The following LRP12 variants were observed in gnomAD, a reference collection of about 807,000 sequenced individuals.
LRP12 encodes LDL receptor related protein 12.
Under a neutral mutation model 66.0 loss-of-function variants are expected in LRP12, and 14 were observed. The observed-to-expected ratio is 0.21, with a 90% confidence interval of 0.14 to 0.33. LRP12 has a LOEUF of 0.33. LRP12 is among the 10% of genes least tolerant of loss of function. The pLI, the probability that LRP12 is intolerant of heterozygous loss-of-function variation, is 1.00. For missense variants in LRP12, 889 were observed against 1,053.4 expected (o/e 0.84, Z 2.16); for synonymous variants, 357 against 359.1 (o/e 0.99, Z 0.07).
chr8:104,490,508 TAG>T lies in LRP12; in HGVS notation c.*163_*164del, dbSNP rs758919805. ...GCTAAAATAGTAAACTCTAAGTTCA[TAG>T]AGTTACAAGTTGTCGAATTTAACCA... On this transcript the variant is annotated 3_prime_UTR_variant, in exon 7 of 7. Transcript: ENST00000276654. 60 of 688,128 alleles carry T rather than the reference TAG, an allele frequency of 8.7e-5. No individual in the cohort carries two copies. The highest frequency in any genetic ancestry group is 1.4e-4 in the Non-Finnish European group (58 of 423,998). 42.6% of individuals were successfully genotyped at this position (688,128 alleles called of 1,614,324 possible). A position where few individuals can be genotyped will look rare whatever the true frequency, so the allele number is the denominator to read the frequency against.
At chr8:104,537,788 C>T (rs1811411235) in intron 1 of LRP12, among the ~76,000 whole-genome samples, 1 of 152,094 alleles carries the variant, frequency 6.6e-6, no homozygotes, top group East Asian at 1.9e-4. Flanking sequence ...AAAAGAATTC[C>T]AAAAACATAG....
At chr8:104,562,026 GA>G (rs1208136511) in intron 1 of LRP12, among the ~76,000 whole-genome samples, 1 of 152,142 alleles carries the variant, frequency 6.6e-6, no homozygotes, top group Non-Finnish European at 1.5e-5. Flanking sequence ...GAGGTCTTAA[GA>G]GGGTATATAA....
intron 1 of LRP12, among the ~76,000 whole-genome samples, chr8:104,578,975 T>C (rs186481431): frequency 2.6e-5 from 4 of 152,122 alleles, no homozygotes; most frequent in Admixed American, 2.6e-4. Context: ...ACCAACATCA[T>C]AATGAATGGG....
rs1167656775 is a variant in LRP12, at chr8:104,566,125, G to T, written c.79+22694C>A. The T allele has an allele frequency of 2.7e-5, 10 of 363,968 alleles. 1 individual carries two copies. In the East Asian group the frequency reaches 5.5e-4, roughly 20 times the overall value. 22.5% of individuals were successfully genotyped at this position (363,968 alleles called of 1,614,324 possible). The stretch of plus-strand genomic sequence containing the variant: ...GAAGACCACTGGCCTTGTGGGATTG[G>T]CTATATGCAAGAGTCCATAAGAGAG... On this transcript the variant is annotated intron_variant, in intron 1 of 6. Coordinates refer to ENST00000276654, the MANE Select transcript of LRP12 (RefSeq NM_013437.5).
chr8:104,561,748 TTCTCTCA>T (rs769905226), intron 1 of LRP12, among the ~76,000 whole-genome samples: 69 of 152,300 alleles, frequency 4.5e-4, no homozygotes, highest in Non-Finnish European at 7.2e-4. Context: ...CATGTTCAAG[TTCTCTCA>T]TCTTTTGGTC....
chr8:104,496,571 C>T (rs1810730627), intron 5 of LRP12, among the ~76,000 whole-genome samples: 1 of 152,116 alleles, frequency 6.6e-6, no homozygotes, highest in African/African-American at 2.4e-5. Context: ...TAACTGTAAA[C>T]TGCTTGTGAT....
intron 1 of LRP12, 118 bp from the exon 2 acceptor site, chr8:104,532,081 A>C: frequency 1.7e-6 from 1 of 584,988 alleles, no homozygotes. Flanking sequence ...GAGAAGCTAA[A>C]GTTTCTTATA....
chr8:104,496,676 G>A (rs545962593), intron 5 of LRP12, among the ~76,000 whole-genome samples: 1 of 152,160 alleles, frequency 6.6e-6, no homozygotes, highest in East Asian at 1.9e-4. Context: ...AAAAATACAG[G>A]TTAAAACACT....
At chr8:104,514,821 C>CCAG (rs1367436084) in intron 2 of LRP12, among the ~76,000 whole-genome samples, 1 of 152,190 alleles carries the variant, frequency 6.6e-6, no homozygotes, top group Admixed American at 6.5e-5. Flanking sequence ...ACATAGCACA[C>CCAG]TGCTTGTATT....
chr8:104,558,541 C>T (rs551070305), intron 1 of LRP12, among the ~76,000 whole-genome samples: 1 of 152,248 alleles, frequency 6.6e-6, no homozygotes, highest in East Asian at 1.9e-4. Flanking sequence ...CAGACACTGG[C>T]TTAGGCAAAG....
intron 1 of LRP12, among the ~76,000 whole-genome samples, chr8:104,552,325 G>C (rs1811739690): frequency 6.6e-6 from 1 of 151,538 alleles, no homozygotes; most frequent in Non-Finnish European, 1.5e-5. Flanking sequence ...GTTCTTAACA[G>C]CTTATAGCCC....
chr8:104,526,956 G>A (rs1321211357), intron 2 of LRP12, among the ~76,000 whole-genome samples: 1 of 147,732 alleles, frequency 6.8e-6, no homozygotes, highest in South Asian at 2.1e-4. Flanking sequence ...CTAATATCCA[G>A]AATCTACAAT....
intron 1 of LRP12, among the ~76,000 whole-genome samples, chr8:104,588,300 TG>T (rs139466694): frequency 0.043 from 6,529 of 151,538 alleles, 200 homozygotes; most frequent in South Asian, 0.079. Flanking sequence ...CGAGGTGGAG[TG>T]GGGAGAAGTC....
chr8:104,550,216 A>T (rs942444547), intron 1 of LRP12, among the ~76,000 whole-genome samples: 2 of 152,196 alleles, frequency 1.3e-5, no homozygotes, highest in Non-Finnish European at 2.9e-5. Context: ...AAAAAGACTC[A>T]AAGAAGAGAC....
At position 104,499,457 on chromosome 8, in the gene LRP12, G is replaced by A. The variant is rs773009309; in HGVS notation, c.335C>T (p.Thr112Ile). 12 of 1,613,180 alleles carry A rather than the reference G, an allele frequency of 7.4e-6. No homozygotes were observed. The African/African-American group carries it at 1.3e-4, about 18-fold the overall frequency. The change falls in exon 4 of 7, where the codon ACA becomes ATA. Residue 112 changes from threonine (T) to isoleucine (I), a missense_variant. Around this residue, in one of 3 missense-constraint regions of LRP12, gnomAD observed 800 missense variants for 964.5 expected, o/e 0.83. Coordinates refer to ENST00000276654, the MANE Select transcript of LRP12 (RefSeq NM_013437.5). ...RCNLDWLTIETYKNIESYRAC... is the reference protein window; with the variant it reads ...RCNLDWLTIEIYKNIESYRAC... The stretch of plus-strand genomic sequence containing the variant: ...TCTGTAACTTTCAATATTCTTGTAT[G>A]TTTCTATTGTCAACCAGTCCAAATT...
Position 104,579,298 on chromosome 8 carries a change from A to G in LRP12, c.79+9521T>C, listed in dbSNP as rs116958235. Reference sequence around the variant, plus strand: ...CTATACACCAACAACAGTCAAGCTGAAGCCAAATCAGGAATGTAATTCCAT... The same window carrying G: ...CTATACACCAACAACAGTCAAGCTGGAGCCAAATCAGGAATGTAATTCCAT... On this transcript the variant is annotated intron_variant, in intron 1 of 6. Transcript: ENST00000276654. Among the ~76,000 whole-genome samples the G allele has an allele frequency of 6.0e-3, 916 of 152,294 alleles. 9 individuals are homozygous for G. Among genetic ancestry groups the G allele is most frequent in the Admixed American group, 0.012 (191 of 15,306 alleles).
chr8:104,498,012 T>C lies in LRP12; in HGVS notation c.540A>G (p.Pro180=). ...QFRCGNGKCI[P]EAWKCNNMDE... ...CCATGTTATTACATTTCCAGGCTTC[T>C]GGTATACACTTTCCATTACCACAAC... The change falls in exon 5 of 7, where the codon CCA becomes CCG. Residue 180 remains proline, a synonymous_variant. Coordinates refer to ENST00000276654, the MANE Select transcript of LRP12 (RefSeq NM_013437.5). 1 of 1,613,916 alleles carries C rather than the reference T, an allele frequency of 6.2e-7. No homozygotes were observed. The highest frequency in any genetic ancestry group is 1.1e-5 in the South Asian group (1 of 90,982).
intron 1 of LRP12, among the ~76,000 whole-genome samples, chr8:104,541,505 A>G (rs1811475552): frequency 6.6e-6 from 1 of 152,214 alleles, no homozygotes; most frequent in African/African-American, 2.4e-5. Context: ...TTATTGAAAG[A>G]TATTTTATAT....
intron 1 of LRP12, among the ~76,000 whole-genome samples, chr8:104,580,901 A>G (rs1812240190): frequency 6.6e-6 from 1 of 152,220 alleles, no homozygotes; most frequent in Admixed American, 6.5e-5. Context: ...AAAAACAGAA[A>G]TATCATTGAC....
Sources: allele counts gnomAD v4.1 joint callset (sites outside exome capture counted in the v4.1 genomes callset), GRCh38; gene constraint gnomAD v4.1.1; regional missense constraint gnomAD v4.1.1; transcripts MANE v1.5; gene names NCBI Gene and HGNC (gene_info 2026-07-23, HGNC 2026-07-21).